Variants in CSMD1 observed in about 807,000 individuals in gnomAD.
CSMD1 encodes the protein CUB and Sushi multiple domains 1.
In CSMD1, 213 loss-of-function variants were observed where a neutral mutation model predicts 417.5. The ratio of observed to expected loss-of-function variants is 0.51; its 90% CI spans 0.46 to 0.57. The LOEUF (loss-of-function observed/expected upper bound fraction) is 0.57, where lower values mean the gene tolerates loss of function less well. Among genes scored for constraint, CSMD1 ranks in the 20% least tolerant of loss-of-function variants. The pLI is 0.00. For synonymous variants in CSMD1, 2,862 were observed against 1,736.8 expected (o/e 1.65, Z -16.11); for missense variants, 6,923 against 4,529.7 (o/e 1.53, Z -15.17).
intron 2 of CSMD1, among the ~76,000 whole-genome samples, chr8:4,533,671 AT>A (rs1585214608): frequency 6.6e-6 from 1 of 152,276 alleles, no homozygotes; most frequent in African/African-American, 2.4e-5. Context: ...CAAACTGAAG[AT>A]TTTTAAAAAC....
At position 2,985,365 on chromosome 8, in the gene CSMD1, G is replaced by C. The variant is rs567350487; in HGVS notation, c.8378-6565C>G. Among the ~76,000 whole-genome samples the C allele has an allele frequency of 7.2e-5, 11 of 151,870 alleles. No individual in the cohort carries two copies. The East Asian group carries it at 7.7e-4, about 11-fold the overall frequency. On this transcript the variant is annotated intron_variant, in intron 54 of 69. Transcript: ENST00000635120. ...ACTGCTACACTGTTTCACCACGTGAGGCAGGAGACTGTGGTGTGATACTGC... is the reference window on the plus strand; with the variant it reads ...ACTGCTACACTGTTTCACCACGTGACGCAGGAGACTGTGGTGTGATACTGC...
intron 3 of CSMD1, among the ~76,000 whole-genome samples, chr8:4,085,642 C>A (rs1034391779): frequency 1.3e-5 from 2 of 152,110 alleles, no homozygotes; most frequent in Non-Finnish European, 2.9e-5. Flanking sequence ...GTGAAAAAAA[C>A]CAGCCCTAGG....
chr8:4,626,884 T>G (rs937253612), intron 2 of CSMD1, among the ~76,000 whole-genome samples: 1 of 152,186 alleles, frequency 6.6e-6, no homozygotes, highest in Middle Eastern at 3.2e-3. Context: ...AGTGAAATAC[T>G]TGCCTTTTCG....
At chr8:4,334,770 T>C (rs908233104) in intron 3 of CSMD1, among the ~76,000 whole-genome samples, 1 of 152,166 alleles carries the variant, frequency 6.6e-6, no homozygotes, top group Non-Finnish European at 1.5e-5. Context: ...TAGTTGAATG[T>C]AGGCATTTTA....
chr8:3,551,739 G>T (rs1360941998), intron 10 of CSMD1, among the ~76,000 whole-genome samples: 2 of 151,768 alleles, frequency 1.3e-5, no homozygotes, highest in South Asian at 4.2e-4. Flanking sequence ...CATATCACTT[G>T]TATACTAAAG....
chr8:4,843,822 G>T (rs1277594759), intron 1 of CSMD1, among the ~76,000 whole-genome samples: 1 of 152,204 alleles, frequency 6.6e-6, no homozygotes, highest in South Asian at 2.1e-4. Context: ...AGAATCAGTG[G>T]AAGCACAGGA....
intron 3 of CSMD1, among the ~76,000 whole-genome samples, chr8:4,176,292 G>A (rs930762879): frequency 6.6e-6 from 1 of 152,134 alleles, no homozygotes; most frequent in Admixed American, 6.5e-5. Context: ...AAATTCTATA[G>A]CAAGTGTCCA....
intron 5 of CSMD1, among the ~76,000 whole-genome samples, chr8:3,992,098 C>T (rs933335975): frequency 6.6e-6 from 1 of 150,716 alleles, no homozygotes; most frequent in African/African-American, 2.4e-5. Context: ...TGCAGAGTAT[C>T]AAGAAAAGGA....
intron 3 of CSMD1, among the ~76,000 whole-genome samples, chr8:4,276,632 A>T (rs972760399): frequency 1.3e-5 from 2 of 152,224 alleles, no homozygotes; most frequent in Non-Finnish European, 2.9e-5. Context: ...CATAATTTTA[A>T]GTGAAGTAGT....
At chr8:4,486,180 C>CATATATATATATATATATATACATACAT (rs559383827) in intron 2 of CSMD1, among the ~76,000 whole-genome samples, 1 of 17,612 alleles carries the variant, frequency 5.7e-5, no homozygotes. Flanking sequence ...TATATACATA[C>CATATATATATATATATATATACATACAT]ATATATATAT....
At chr8:3,518,913 T>C (rs1797390158) in intron 10 of CSMD1, among the ~76,000 whole-genome samples, 1 of 152,234 alleles carries the variant, frequency 6.6e-6, no homozygotes, top group South Asian at 2.1e-4. Flanking sequence ...TCCTGAGAGC[T>C]GTTGAATCTC....
chr8:4,843,792 A>T (rs1800974586), intron 1 of CSMD1, among the ~76,000 whole-genome samples: 1 of 152,242 alleles, frequency 6.6e-6, no homozygotes, highest in African/African-American at 2.4e-5. Context: ...TTGAATGAAC[A>T]AACTGATACA....
chr8:4,225,199 C>T (rs1242175668), intron 3 of CSMD1, among the ~76,000 whole-genome samples: 5 of 152,098 alleles, frequency 3.3e-5, no homozygotes. Context: ...CAACTCAGCG[C>T]ACACCTCCAT....
chr8:3,224,185 C>G (rs1472944439), intron 27 of CSMD1, among the ~76,000 whole-genome samples: 1 of 152,088 alleles, frequency 6.6e-6, no homozygotes, highest in Non-Finnish European at 1.5e-5. Context: ...TGACTTAATC[C>G]CCATACCTGC....
chr8:4,309,088 G>C (rs544887532), intron 3 of CSMD1, among the ~76,000 whole-genome samples: 1 of 152,118 alleles, frequency 6.6e-6, no homozygotes, highest in Admixed American at 6.6e-5. Flanking sequence ...GGTTATTTTT[G>C]TAGTCACTTG....
intron 50 of CSMD1, among the ~76,000 whole-genome samples, chr8:3,048,591 T>C (rs117573543): frequency 5.5e-4 from 84 of 152,320 alleles, no homozygotes; most frequent in Admixed American, 1.5e-3. Context: ...ATCCATTATG[T>C]ATCACACACC....
chr8:4,152,298 C>A (rs759193472), intron 3 of CSMD1, among the ~76,000 whole-genome samples: 5 of 152,076 alleles, frequency 3.3e-5, no homozygotes, highest in Non-Finnish European at 7.4e-5. Flanking sequence ...AATCTACTTC[C>A]AGTTATAAAT....
chr8:4,670,227 T>C (rs541490849), intron 1 of CSMD1, among the ~76,000 whole-genome samples: 26 of 152,184 alleles, frequency 1.7e-4, no homozygotes, highest in Non-Finnish European at 3.2e-4. Context: ...TCATGTTCTT[T>C]GTGTGGATAA....
chr8:3,647,548 A>G (rs1797639224), intron 7 of CSMD1, among the ~76,000 whole-genome samples: 1 of 152,206 alleles, frequency 6.6e-6, no homozygotes, highest in African/African-American at 2.4e-5. Flanking sequence ...TATAGAGACA[A>G]ATACAGCATA....
Sources: gnomAD v4.1 joint callset for allele counts (sites outside exome capture counted in the v4.1 genomes callset) on GRCh38, gnomAD v4.1.1 for gene constraint, MANE v1.5 for transcripts, NCBI Gene and HGNC (gene_info 2026-07-23, HGNC 2026-07-21) for gene names.